The following P3H2 variants were observed in gnomAD, a reference collection of about 807,000 sequenced individuals.
P3H2 encodes prolyl 3-hydroxylase 2.
A neutral mutation model predicts 87.0 loss-of-function variants in P3H2; 80 were observed. That is an observed-to-expected ratio of 0.92 (90% CI 0.77 to 1.11). The LOEUF is 1.11. Among genes scored for constraint, P3H2 ranks in the 50% least tolerant of loss-of-function variants. The pLI is 0.00. For synonymous variants in P3H2, 367 were observed against 359.3 expected, an observed-to-expected ratio of 1.02 and a Z score of -0.24; for missense variants, 1,001 against 923.9, an observed-to-expected ratio of 1.08 and a Z score of -1.08.
At chr3:190,055,945 G>T (rs756939723) in intron 1 of P3H2, among the ~76,000 whole-genome samples, 25 of 152,168 alleles carry the variant, frequency 1.6e-4, no homozygotes, top group Non-Finnish European at 3.1e-4. Context: ...TTCATATATT[G>T]AAGCTCTAAC....
rs1560027092 is a variant in P3H2 at position 190,120,669 on chromosome 3, T to TGGC, written c.60_62dup (p.Pro21dup). On this transcript the variant is annotated inframe_insertion, in exon 1 of 15. Transcript: ENST00000319332. ...GGCTGTCCGGGGGGCCGCCCCACAG[T>TGGC]GGCGGCGGCAGTAGCAGCGGCAGCA... The TGGC allele has an allele frequency of 2.0e-6, 3 of 1,522,870 alleles. No individual in the cohort carries two copies. Among genetic ancestry groups the TGGC allele is most frequent in the Non-Finnish European group, 2.6e-6 (3 of 1,142,058 alleles). 94.3% of individuals were successfully genotyped at this position (1,522,870 alleles called of 1,614,324 possible). A position where few individuals can be genotyped will look rare whatever the true frequency, so the allele number is the denominator to read the frequency against.
At chr3:190,043,708 T>C (rs1725714510) in intron 1 of P3H2, among the ~76,000 whole-genome samples, 1 of 152,228 alleles carries the variant, frequency 6.6e-6, no homozygotes, top group Non-Finnish European at 1.5e-5. Flanking sequence ...GACTTTATAC[T>C]GTTGTTGATA....
intron 1 of P3H2, among the ~76,000 whole-genome samples, chr3:190,040,062 T>C (rs1400024092): frequency 6.6e-6 from 1 of 152,236 alleles, no homozygotes. Context: ...AATAGATATT[T>C]AGCCTTTTAA....
chr3:190,003,138 G>C (rs1724267480), intron 1 of P3H2, among the ~76,000 whole-genome samples: 1 of 152,212 alleles, frequency 6.6e-6, no homozygotes, highest in Non-Finnish European at 1.5e-5. Context: ...AGTTGGAAAG[G>C]AAGAATGAAC....
intron 1 of P3H2, among the ~76,000 whole-genome samples, chr3:190,092,230 C>CCA (rs1727430656): frequency 1.4e-5 from 2 of 137,960 alleles, no homozygotes; most frequent in Admixed American, 1.5e-4. Context: ...GAGACTCCGT[C>CCA]AAAAAAAAAA....
At chr3:190,070,965 G>A (rs1412547041) in intron 1 of P3H2, among the ~76,000 whole-genome samples, 1 of 152,204 alleles carries the variant, frequency 6.6e-6, no homozygotes, top group East Asian at 1.9e-4. Context: ...TAAATTAAAT[G>A]AAGGAAAACA....
chr3:190,070,915 G>A (rs79538064), intron 1 of P3H2, among the ~76,000 whole-genome samples: 21,768 of 152,122 alleles, frequency 0.14, 1,921 homozygotes, highest in Non-Finnish European at 0.2. Context: ...CATATTACAT[G>A]TAGGCTGCAC....
In P3H2 at chr3:190,093,251, G is replaced by A. The variant is rs141604478; in HGVS notation, c.480+27001C>T. On this transcript the variant is annotated intron_variant, in intron 1 of 14. Coordinates refer to ENST00000319332, the MANE Select transcript of P3H2 (RefSeq NM_018192.4). ...CATAGCTCTGTGTCATTTGTCTGCA[G>A]TGCTCAGTGAACAGTGGTGGAGTGC... Among the ~76,000 whole-genome samples, 713 of 152,344 alleles carry A rather than the reference G, an allele frequency of 4.7e-3. 2 individuals carry two copies. Among genetic ancestry groups the A allele is most frequent in the African/African-American group, 0.016 (683 of 41,572 alleles).
At chr3:189,960,542 C>T (rs1406561034) in intron 14 of P3H2, among the ~76,000 whole-genome samples, 1 of 152,086 alleles carries the variant, frequency 6.6e-6, no homozygotes, top group Non-Finnish European at 1.5e-5. Flanking sequence ...TTTTCAAATG[C>T]CATCTCCTCA....
chr3:190,036,542 T>TA (rs986677999), intron 1 of P3H2, among the ~76,000 whole-genome samples: 8 of 152,062 alleles, frequency 5.3e-5, no homozygotes, highest in Non-Finnish European at 7.4e-5. Flanking sequence ...ATCTCCATTT[T>TA]AAAAAAAATT....
At chr3:189,965,900 C>T (rs1427355828) in intron 13 of P3H2, among the ~76,000 whole-genome samples, 6 of 148,882 alleles carry the variant, frequency 4.0e-5, no homozygotes, top group Admixed American at 6.7e-5. Context: ...GCAGGAGAAT[C>T]GCTTGAACCT....
intron 1 of P3H2, among the ~76,000 whole-genome samples, chr3:190,043,160 T>TG: frequency 6.6e-6 from 1 of 151,924 alleles, no homozygotes; most frequent in South Asian, 2.1e-4. Flanking sequence ...TGTGTGTGTG[T>TG]TCATGTGCAC....
intron 1 of P3H2, among the ~76,000 whole-genome samples, chr3:190,116,919 G>A (rs1712310061): frequency 6.6e-6 from 1 of 151,834 alleles, no homozygotes; most frequent in African/African-American, 2.4e-5. Context: ...AAATTCAACA[G>A]AGCAAGGCTC....
At chr3:189,989,117 A>G (rs1723798863) in intron 3 of P3H2, 79 bp from the exon 4 acceptor site, 2 of 1,550,214 alleles carry the variant, frequency 1.3e-6, no homozygotes, top group Admixed American at 1.7e-5. Context: ...ACAGTTACAC[A>G]GGTCATTCCT....
chr3:190,033,644 C>G (rs957966503), intron 1 of P3H2, among the ~76,000 whole-genome samples: 1 of 152,128 alleles, frequency 6.6e-6, no homozygotes, highest in Admixed American at 6.5e-5. Flanking sequence ...AACCATACGG[C>G]CTTCATTCCA....
At chr3:190,045,916 T>C (rs1325690216) in intron 1 of P3H2, among the ~76,000 whole-genome samples, 3 of 152,004 alleles carry the variant, frequency 2.0e-5, no homozygotes, top group Admixed American at 6.6e-5. Context: ...GGTCAGGAGA[T>C]CGAGACCATC....
At chr3:190,106,761 G>A in intron 1 of P3H2, among the ~76,000 whole-genome samples, 1 of 152,138 alleles carries the variant, frequency 6.6e-6, no homozygotes. Context: ...AAATCTGGAT[G>A]CAGATTCTGA....
In P3H2 at chr3:190,029,676, A is replaced by G. The variant is rs139258059; in HGVS notation, c.481-34234T>C. On this transcript the variant is annotated intron_variant, in intron 1 of 14. Transcript: ENST00000319332. ...TGTCAAAAAATTACAGAAAAGTAGA[A>G]GACAAAATGTATCATTATTTGAGGA... 1.9e-4 allele frequency among the ~76,000 whole-genome samples: 29 copies of G among 152,296 alleles called. No individual in the cohort carries two copies. The East Asian group carries it at 4.0e-3, about 21-fold the overall frequency.
intron 1 of P3H2, among the ~76,000 whole-genome samples, chr3:190,010,508 A>G (rs1378018924): frequency 6.6e-6 from 1 of 151,984 alleles, no homozygotes; most frequent in East Asian, 1.9e-4. Context: ...TTTTGAGAAG[A>G]GGAGATTAGG....
Sources: gnomAD v4.1 joint callset for allele counts (sites outside exome capture counted in the v4.1 genomes callset) on GRCh38, gnomAD v4.1.1 for gene constraint, MANE v1.5 for transcripts, NCBI Gene and HGNC (gene_info 2026-07-23, HGNC 2026-07-21) for gene names.